FBXO25: variants seen among roughly 807,000 people sequenced by gnomAD.
FBXO25 encodes F-box only protein 25.
In FBXO25, 45 loss-of-function variants were observed where a neutral mutation model predicts 51.9. That is an observed-to-expected ratio of 0.87 (90% CI 0.68 to 1.11). The LOEUF (loss-of-function observed/expected upper bound fraction) is 1.11, where lower values mean the gene tolerates loss of function less well. Ranked by LOEUF, FBXO25 falls within the 50% of genes most tolerant of loss-of-function variation. The pLI, the probability that FBXO25 is intolerant of heterozygous loss-of-function variation, is 0.00. For synonymous variants in FBXO25, 199 were observed against 151.0 expected, an observed-to-expected ratio of 1.32 and a Z score of -2.33; for missense variants, 507 against 428.5, an observed-to-expected ratio of 1.18 and a Z score of -1.62.
chr8:467,759 C>G, intron 9 of FBXO25: 1 of 1,613,804 alleles, frequency 6.2e-7, no homozygotes, highest in Middle Eastern at 1.7e-4. Context: ...ACTTCCCTGT[C>G]TTGCCACACA....
chr8:413,371 T>G (rs1418753027), intron 2 of FBXO25, among the ~76,000 whole-genome samples, 158 bp downstream of exon 2: 1 of 152,168 alleles, frequency 6.6e-6, no homozygotes, highest in Non-Finnish European at 1.5e-5. Context: ...ATGAGGCTAG[T>G]AGATTGCCTA....
At position 450,099 on chromosome 8, in the gene FBXO25, T is replaced by C. The variant is rs754983811; in HGVS notation, c.475+16T>C. On this transcript the variant is annotated intron_variant, in intron 6 of 9. Transcript: ENST00000350302. Reference sequence around the variant, plus strand: ...GTTCAAAAGGGTAAGATGATCACTGTATTTTTAATACTCTAAATCTTAATT... The same window carrying C: ...GTTCAAAAGGGTAAGATGATCACTGCATTTTTAATACTCTAAATCTTAATT... 1.3e-5 allele frequency: 20 copies of C among 1,550,454 alleles called. No individual in the cohort carries two copies. The East Asian group carries it at 3.8e-4, about 30-fold the overall frequency.
chr8:422,721 G>A (rs1260176353), intron 2 of FBXO25, among the ~76,000 whole-genome samples: 2 of 152,176 alleles, frequency 1.3e-5, no homozygotes, highest in Admixed American at 6.5e-5. Context: ...GAGGCATCAC[G>A]TAGTCTGACT....
intron 1 of FBXO25, chr8:407,327 G>A: frequency 5.1e-6 from 5 of 973,970 alleles, no homozygotes; most frequent in South Asian, 4.8e-5. Context: ...GGGCGCGTCA[G>A]GTGGGGACGG....
In FBXO25 at chr8:471,353, G is replaced by C. The variant is rs544276325; in HGVS notation, c.*2549G>C. 1.3e-5 allele frequency: 2 copies of C among 152,218 alleles called. No individual in the cohort carries two copies. The highest frequency in any genetic ancestry group is 3.9e-4 in the East Asian group (2 of 5,174). The allele number at this position is 152,218 out of a possible 1,614,324, so 9.4% of individuals were successfully genotyped here. A position where few individuals can be genotyped will look rare whatever the true frequency, so the allele number is the denominator to read the frequency against. The stretch of plus-strand genomic sequence containing the variant: ...ACTGATCAGTTATTTACAGAAGATC[G>C]GACAACACCAAACAGAGATGAGAAG... On this transcript the variant is annotated 3_prime_UTR_variant, in exon 10 of 10. Coordinates refer to ENST00000350302, the MANE Select transcript of FBXO25 (RefSeq NM_183420.2).
At chr8:462,070 C>G (rs1799852084) in intron 8 of FBXO25, among the ~76,000 whole-genome samples, 1 of 152,040 alleles carries the variant, frequency 6.6e-6, no homozygotes, top group Non-Finnish European at 1.5e-5. Context: ...TGAGGAATTG[C>G]CAGACTGTTT....
chr8:457,492 G>GTTT, intron 7 of FBXO25, among the ~76,000 whole-genome samples: 1 of 152,290 alleles, frequency 6.6e-6, no homozygotes. Flanking sequence ...CGTGTGTGAG[G>GTTT]GAGAAATGGT....
chr8:474,508 T>G lies in FBXO25; in HGVS notation c.*5704T>G. Reference sequence around the variant, plus strand: ...TACACGGTGGCTGCACCATTTTACATTCCCACTGAAGGTTCCAGTTTTGCC... The same window carrying G: ...TACACGGTGGCTGCACCATTTTACAGTCCCACTGAAGGTTCCAGTTTTGCC... On this transcript the variant is annotated 3_prime_UTR_variant, in exon 10 of 10. Transcript: ENST00000350302. The G allele has an allele frequency of 3.0e-6, 1 of 338,468 alleles. No individual in the cohort carries two copies. Among genetic ancestry groups the G allele is most frequent in the South Asian group, 2.3e-5 (1 of 42,670 alleles). The allele number at this position is 338,468 out of a possible 1,614,324, so 21.0% of individuals were successfully genotyped here.
intron 8 of FBXO25, among the ~76,000 whole-genome samples, chr8:459,245 G>C (rs866648212): frequency 6.6e-6 from 1 of 152,226 alleles, no homozygotes; most frequent in African/African-American, 2.4e-5. Flanking sequence ...TGTGCTCCTC[G>C]TGGGGTGTGA....
intron 9 of FBXO25, among the ~76,000 whole-genome samples, chr8:467,084 G>A (rs1800212578): frequency 6.6e-6 from 1 of 152,198 alleles, no homozygotes; most frequent in Admixed American, 6.5e-5. Context: ...TCCAAGATGA[G>A]GTGTCCATGG....
intron 8 of FBXO25, among the ~76,000 whole-genome samples, chr8:460,949 T>C (rs957877553): frequency 5.9e-5 from 9 of 152,224 alleles, no homozygotes; most frequent in Non-Finnish European, 1.3e-4. Context: ...TACAAGTGAT[T>C]GTTTTTAGCT....
chr8:429,739 A>T (rs1427410581), intron 2 of FBXO25, among the ~76,000 whole-genome samples: 1 of 152,244 alleles, frequency 6.6e-6, no homozygotes, highest in African/African-American at 2.4e-5. Flanking sequence ...TTGGTCCTCA[A>T]GTCTGACATA....
Position 458,470 on chromosome 8 carries a change from G to C in FBXO25, c.762G>C (p.Gln254His). The C allele has an allele frequency of 6.2e-7, 1 of 1,614,178 alleles. No homozygotes were observed. Among genetic ancestry groups the C allele is most frequent in the Non-Finnish European group, 8.5e-7 (1 of 1,180,032 alleles). The part of the protein sequence containing the change: ...SDGWDIITLG[Q>H]VTPTLYMLSE... ...GATGGGACATCATCACCTTAGGCCA[G>C]GTGACCCCCACGTTGTATATGCTTA... Residue 254 changes from glutamine to histidine, a missense_variant, in exon 8 of 10, where the codon CAG becomes CAC. By Grantham distance (24) the Gln-to-His change is conservative. Transcript: ENST00000350302.
intron 2 of FBXO25, among the ~76,000 whole-genome samples, chr8:424,116 C>T (rs1797326219): frequency 6.9e-6 from 1 of 145,752 alleles, no homozygotes; most frequent in Admixed American, 6.9e-5. Context: ...TGTCCTTTGC[C>T]CATTTTTTTT....
intron 3 of FBXO25, among the ~76,000 whole-genome samples, chr8:432,003 GT>G (rs1008870960): frequency 1.7e-4 from 26 of 152,006 alleles, no homozygotes; most frequent in South Asian, 6.2e-4. Context: ...GGATACTATG[GT>G]TTTTTTTATG....
At position 451,159 on chromosome 8, in the gene FBXO25, C is replaced by T. The variant is rs1427515031; in HGVS notation, c.476-110C>T. ...TATTCTATTGCATGTATAGATCACACGTTGTTTGTCTGTTCGTCTATCAGT... is the reference window on the plus strand; with the variant it reads ...TATTCTATTGCATGTATAGATCACATGTTGTTTGTCTGTTCGTCTATCAGT... On this transcript the variant is annotated intron_variant, in intron 6 of 9. Transcript: ENST00000350302. 6 of 835,364 alleles carry T rather than the reference C, an allele frequency of 7.2e-6. No homozygotes were observed. The Admixed American group carries it at 8.5e-5, about 12-fold the overall frequency. The allele number at this position is 835,364 out of a possible 1,614,324, so 51.7% of individuals were successfully genotyped here.
At chr8:452,789 C>T (rs1057402729) in intron 7 of FBXO25, among the ~76,000 whole-genome samples, 6 of 152,248 alleles carry the variant, frequency 3.9e-5, no homozygotes, top group East Asian at 1.9e-4. Flanking sequence ...GAGACAACAG[C>T]GAAGCTCCAA....
At chr8:425,889 C>T (rs1797443040) in intron 2 of FBXO25, among the ~76,000 whole-genome samples, 1 of 136,190 alleles carries the variant, frequency 7.3e-6, no homozygotes, top group South Asian at 2.2e-4. Context: ...GGCTTTCTTC[C>T]TCCTTTTTTT....
intron 1 of FBXO25, among the ~76,000 whole-genome samples, chr8:411,315 C>T (rs116002720): frequency 0.015 from 2,286 of 152,294 alleles, 37 homozygotes; most frequent in African/African-American, 0.045. Context: ...TCCTGAAATA[C>T]ATTTTTCTCC....
Sources: gnomAD v4.1 joint callset for allele counts (sites outside exome capture counted in the v4.1 genomes callset) on GRCh38, gnomAD v4.1.1 for gene constraint, MANE v1.5 for transcripts, NCBI Gene and HGNC (gene_info 2026-07-23, HGNC 2026-07-21) for gene names.